The following FANCD2OS variants were observed in gnomAD, a reference collection of about 807,000 sequenced individuals.
The protein encoded by FANCD2OS is FANCD2 opposite strand.
A neutral mutation model predicts 13.2 loss-of-function variants in FANCD2OS; 11 were observed. The observed-to-expected ratio is 0.83, with a 90% CI of 0.52 to 1.38. The LOEUF (loss-of-function observed/expected upper bound fraction) is 1.38, where lower values mean the gene tolerates loss of function less well. FANCD2OS is among the 40% of genes most tolerant of loss of function. FANCD2OS has a pLI of 0.00. For synonymous variants in FANCD2OS, 69 were observed against 84.5 expected, an observed-to-expected ratio of 0.82 and a Z score of 1.01; for missense variants, 217 against 213.9, an observed-to-expected ratio of 1.01 and a Z score of -0.09.
Position 10,104,257 on chromosome 3 carries a change from A to C in FANCD2OS, c.518T>G (p.Leu173Trp), listed in dbSNP as rs745351854. The change falls in exon 2 of 2, where the codon TTG becomes TGG. Residue 173 changes from leucine (L) to tryptophan (W), a missense_variant. Physicochemically the swap from Leu to Trp is moderately conservative, Grantham distance 61 (BLOSUM62 -2). Transcript: ENST00000450660. ...GAGGACCCTTTACTTGGAGTGCTGC[A>C]AGGCAAAGGTGCACTTTTTGTAAGT... is the stretch of plus-strand genomic sequence containing the variant. The part of the protein sequence containing the change: ...YATYKKCTFA[L>W]QHSK 14 of 1,609,550 alleles carry C rather than the reference A, an allele frequency of 8.7e-6. No individual in the cohort carries two copies. In the East Asian group the frequency reaches 3.1e-4, roughly 36 times the overall value.
chr3:10,087,281 C>CTTTTTTTT lies in FANCD2OS; in HGVS notation c.*44-5758_*44-5751dup, dbSNP rs371321981. On this transcript the variant is annotated intron_variant, in intron 2 of 2. Coordinates refer to the FANCD2OS transcript ENST00000524279. ...AAAAAATTGGTGATGGGCCTAGATC[C>CTTTTTTTT]TTTTTTTTTTTTTTTTTTTAATGAA... 55 of 1,311,082 alleles carry CTTTTTTTT rather than the reference C, an allele frequency of 4.2e-5. No individual in the cohort carries two copies. The African/African-American group carries it at 8.9e-4, about 21-fold the overall frequency. The allele number at this position is 1,311,082 out of a possible 1,614,324, so 81.2% of individuals were successfully genotyped here. A position where few individuals can be genotyped will look rare whatever the true frequency, so the allele number is the denominator to read the frequency against.
downstream of FANCD2OS, among the ~76,000 whole-genome samples, chr3:10,103,314 AT>A (rs1253161762): frequency 1.3e-5 from 2 of 152,142 alleles, no homozygotes; most frequent in Admixed American, 1.3e-4. Flanking sequence ...AGGCAGGAGA[AT>A]TGCTTGAACC....
At chr3:10,094,462 G>A (rs1373331389) in intron 2 of FANCD2OS, 1 of 995,734 alleles carries the variant, frequency 1.0e-6, no homozygotes, top group Non-Finnish European at 1.6e-6. Context: ...GTTCTACCTG[G>A]GCTCCTCTGG....
downstream of FANCD2OS, chr3:10,098,618 TAA>T: frequency 2.1e-6 from 3 of 1,449,886 alleles, no homozygotes; most frequent in East Asian, 2.5e-5. Context: ...TTTGAATGGC[TAA>T]AATATCTTCC....
Position 10,105,771 on chromosome 3 carries a change from ATT to A in FANCD2OS, c.-8-991_-8-990del, listed in dbSNP as rs1491339928. 3.3e-3 allele frequency among the ~76,000 whole-genome samples: 47 copies of A among 14,054 alleles called. 2 individuals carry two copies. The highest frequency in any genetic ancestry group is 0.022 in the African/African-American group (35 of 1,588). The allele number at this position is 14,054 out of a possible 152,430, so 9.2% of individuals were successfully genotyped here. ...ATCTAAAAAAAAAAAAAAAAAAAAAATTATATATATATATATATATATATATA... is the reference window on the plus strand; with the variant it reads ...ATCTAAAAAAAAAAAAAAAAAAAAAAATATATATATATATATATATATATA... On this transcript the variant is annotated intron_variant, in intron 1 of 1. Coordinates refer to ENST00000450660, the MANE Select transcript of FANCD2OS (RefSeq NM_001164839.2).
intron 2 of FANCD2OS, chr3:10,096,311 T>C (rs749246462): frequency 6.2e-7 from 1 of 1,613,736 alleles, no homozygotes; most frequent in Non-Finnish European, 8.5e-7. Context: ...ATGGATGTTA[T>C]TTATTTCCAT....
chr3:10,095,181 A>T, intron 2 of FANCD2OS: 1 of 1,602,172 alleles, frequency 6.2e-7, no homozygotes, highest in South Asian at 1.1e-5. Flanking sequence ...TAGAGCATTT[A>T]TAAACTTATT....
chr3:10,085,798 C>CT (rs1376832291), intron 2 of FANCD2OS: 1 of 1,579,764 alleles, frequency 6.3e-7, no homozygotes, highest in East Asian at 2.2e-5. Context: ...CCCCTCTTAC[C>CT]TTGACTTCCT....
chr3:10,094,009 C>T (rs1369711857), intron 2 of FANCD2OS, among the ~76,000 whole-genome samples: 1 of 152,206 alleles, frequency 6.6e-6, no homozygotes, highest in African/African-American at 2.4e-5. Context: ...TAGAGCTCCC[C>T]TCTACTCTAT....
intron 2 of FANCD2OS, among the ~76,000 whole-genome samples, chr3:10,097,002 C>CG (rs1480610875): frequency 1.3e-5 from 2 of 151,966 alleles, no homozygotes; most frequent in African/African-American, 4.8e-5. Flanking sequence ...GCTGGGCGTC[C>CG]GGGGGAGACA....
chr3:10,083,840 A>T (rs1471909867), intron 2 of FANCD2OS: 6 of 141,400 alleles, frequency 4.2e-5, no homozygotes, highest in African/African-American at 1.6e-4. Flanking sequence ...GTGAGCCGAG[A>T]TCCCACCACT....
rs1323417593 is a variant in FANCD2OS at position 10,104,687 on chromosome 3, TG to T, written c.87del (p.Lys30SerfsTer28). On this transcript the variant is annotated frameshift_variant, in exon 2 of 2. Coordinates refer to ENST00000450660, the MANE Select transcript of FANCD2OS (RefSeq NM_001164839.2). LOFTEE classifies it high-confidence loss of function. ...WLRHTTPTPSSKHPFKASPCF... is the reference protein window; with the variant it reads ...WLRHTTPTPSXKHPFKASPCF... ...CAGGGGGAGGCCTTGAATGGGTGCT[TG>T]GAGGAAGGTGTAGGTGTCGTGTGCC... 6.2e-7 allele frequency: 1 copy of T among 1,613,944 alleles called. No individual in the cohort carries two copies. The highest frequency in any genetic ancestry group is 8.5e-7 in the Non-Finnish European group (1 of 1,179,974).
rs1695416930 is a variant in FANCD2OS, at chr3:10,104,580, T to C, written c.195A>G (p.Glu65=). 1.2e-6 allele frequency: 2 copies of C among 1,614,062 alleles called. No homozygotes were observed. Among genetic ancestry groups the C allele is most frequent in the Admixed American group, 1.7e-5 (1 of 59,992 alleles). Residue 65 remains glutamate, a synonymous_variant, in exon 2 of 2, where the codon GAA becomes GAG. Coordinates refer to ENST00000450660, the MANE Select transcript of FANCD2OS (RefSeq NM_001164839.2). ...AGGGTAACTTGGGACTCACTCCAGA[T>C]TCCAGGAATGGGCTGTCTAGGACTA... ...VTLVLDSPFL[E]SGVSPKLPCH...
chr3:10,097,375 C>T (rs530863190), intron 2 of FANCD2OS, among the ~76,000 whole-genome samples: 6 of 152,256 alleles, frequency 3.9e-5, no homozygotes, highest in South Asian at 2.1e-4. Context: ...TCTGCAGTCT[C>T]GACCATAAGA....
At chr3:10,106,452 G>C (rs1265470512) in intron 1 of FANCD2OS, among the ~76,000 whole-genome samples, 1 of 152,120 alleles carries the variant, frequency 6.6e-6, no homozygotes, top group Non-Finnish European at 1.5e-5. Flanking sequence ...TATTTTGTTA[G>C]TGGGCATAGC....
intron 2 of FANCD2OS, chr3:10,094,511 G>T: frequency 1.3e-6 from 1 of 765,052 alleles, no homozygotes; most frequent in Non-Finnish European, 2.3e-6. Flanking sequence ...AAATTGGACT[G>T]AATATTCCAA....
intron 2 of FANCD2OS, among the ~76,000 whole-genome samples, chr3:10,082,718 C>A (rs1459985576): frequency 6.6e-6 from 1 of 152,160 alleles, no homozygotes; most frequent in Non-Finnish European, 1.5e-5. Flanking sequence ...TCCATCCTGC[C>A]TCTCTAACCC....
chr3:10,092,277 A>G (rs1694662900), intron 2 of FANCD2OS: 1 of 1,545,138 alleles, frequency 6.5e-7, no homozygotes, highest in Non-Finnish European at 8.9e-7. Context: ...TGCTTGACAC[A>G]TCTCACCAAA....
chr3:10,091,942 C>T (rs1261815611), intron 2 of FANCD2OS, among the ~76,000 whole-genome samples: 3 of 152,166 alleles, frequency 2.0e-5, no homozygotes, highest in Non-Finnish European at 4.4e-5. Flanking sequence ...CTTTTACTTA[C>T]TTGGGAATTG....
Sources: gnomAD v4.1 joint callset for allele counts (sites outside exome capture counted in the v4.1 genomes callset) on GRCh38, gnomAD v4.1.1 for gene constraint, MANE v1.5 for transcripts, NCBI Gene and HGNC (gene_info 2026-07-23, HGNC 2026-07-21) for gene names.